Variants in L3MBTL3 observed in about 807,000 individuals in gnomAD.
L3MBTL3 encodes lethal(3)malignant brain tumor-like protein 3.
Under a neutral mutation model 102.3 loss-of-function variants are expected in L3MBTL3, and 27 were observed. That is an observed-to-expected ratio of 0.26 (90% confidence interval 0.19 to 0.36). The LOEUF (loss-of-function observed/expected upper bound fraction) is 0.36, where lower values mean the gene tolerates loss of function less well. Ranked by LOEUF, L3MBTL3 falls within the 10% of genes least tolerant of loss-of-function variation. L3MBTL3 has a pLI of 1.00. For synonymous variants in L3MBTL3, 340 were observed against 320.9 expected (o/e 1.06, Z -0.64); for missense variants, 798 against 955.3 (o/e 0.84, Z 2.17).
intron 20 of L3MBTL3, among the ~76,000 whole-genome samples, chr6:130,126,878 A>T (rs1786644698): frequency 6.6e-6 from 1 of 152,126 alleles, no homozygotes; most frequent in African/African-American, 2.4e-5. Flanking sequence ...CAAATATGAG[A>T]CTCAAGTCCA....
chr6:130,096,819 C>T (rs1483860892), intron 18 of L3MBTL3, among the ~76,000 whole-genome samples: 1 of 152,206 alleles, frequency 6.6e-6, no homozygotes, highest in African/African-American at 2.4e-5. Flanking sequence ...GTAAGGAACC[C>T]TTTCCAGTGG....
intron 20 of L3MBTL3, among the ~76,000 whole-genome samples, chr6:130,123,670 C>T (rs1031394163): frequency 7.2e-5 from 11 of 151,986 alleles, no homozygotes; most frequent in Admixed American, 2.6e-4. Context: ...CTTTCTTAGC[C>T]TTAGATTTCT....
intron 2 of L3MBTL3, among the ~76,000 whole-genome samples, chr6:130,037,137 A>G (rs1446377195): frequency 6.6e-6 from 1 of 152,232 alleles, no homozygotes; most frequent in Non-Finnish European, 1.5e-5. Flanking sequence ...CAAACTTACA[A>G]AAGTATGTAT....
intron 16 of L3MBTL3, among the ~76,000 whole-genome samples, chr6:130,089,537 G>A (rs1418928850): frequency 6.6e-6 from 1 of 152,134 alleles, no homozygotes; most frequent in East Asian, 1.9e-4. Context: ...ACATGTGCAT[G>A]TGTCTTTATA....
At chr6:130,063,819 C>A (rs1163232162) in intron 10 of L3MBTL3, among the ~76,000 whole-genome samples, 1 of 152,072 alleles carries the variant, frequency 6.6e-6, no homozygotes, top group Non-Finnish European at 1.5e-5. Context: ...AAGAAAAGCA[C>A]AAAAATGTAG....
intron 16 of L3MBTL3, among the ~76,000 whole-genome samples, chr6:130,090,476 T>TA (rs1783973351): frequency 6.6e-6 from 1 of 152,240 alleles, no homozygotes; most frequent in South Asian, 2.1e-4. Context: ...CTGTAGGAAT[T>TA]ACCAAAATGT....
chr6:130,045,000 A>C (rs1780638554), intron 3 of L3MBTL3, among the ~76,000 whole-genome samples: 1 of 152,142 alleles, frequency 6.6e-6, no homozygotes, highest in African/African-American at 2.4e-5. Flanking sequence ...TATAGTCAGC[A>C]AATCTATAGA....
At chr6:130,059,919 A>T in intron 9 of L3MBTL3, 117 bp from the exon 10 acceptor site, 4 of 570,002 alleles carry the variant, frequency 7.0e-6, no homozygotes, top group East Asian at 3.1e-5. Flanking sequence ...TTTTCTTTGG[A>T]TTTTTAGAAG....
rs902121623 is a variant in L3MBTL3, at chr6:130,135,227, A to AT, written c.2199+1330dup. Among the ~76,000 whole-genome samples the AT allele has an allele frequency of 9.3e-5, 14 of 151,262 alleles. No homozygotes were observed. In the East Asian group the frequency reaches 1.8e-3, roughly 19 times the overall value. On this transcript the variant is annotated intron_variant, in intron 22 of 22. Transcript: ENST00000361794. ...AGGTGCCCGCCACCACGCTCGGCTAATTTTTTTTGTATTTTTAGTAGAGAC... is the reference window on the plus strand; with the variant it reads ...AGGTGCCCGCCACCACGCTCGGCTAATTTTTTTTTGTATTTTTAGTAGAGAC...
At chr6:130,034,940 T>TC (rs1357864900) in intron 2 of L3MBTL3, among the ~76,000 whole-genome samples, 4 of 152,220 alleles carry the variant, frequency 2.6e-5, no homozygotes. Context: ...CCTCCTCTCA[T>TC]CCATCTGTTG....
chr6:130,041,873 C>T (rs1780440192), intron 2 of L3MBTL3, among the ~76,000 whole-genome samples: 1 of 152,182 alleles, frequency 6.6e-6, no homozygotes, highest in African/African-American at 2.4e-5. Context: ...TTAGACACCA[C>T]AGTCTGAAGC....
chr6:130,112,507 C>G (rs1785416977), intron 19 of L3MBTL3, among the ~76,000 whole-genome samples: 1 of 152,066 alleles, frequency 6.6e-6, no homozygotes, highest in Non-Finnish European at 1.5e-5. Flanking sequence ...GTGGTATGTC[C>G]CAAACTGTTG....
intron 14 of L3MBTL3, among the ~76,000 whole-genome samples, chr6:130,083,014 A>T (rs1362023446): frequency 6.6e-6 from 1 of 152,122 alleles, no homozygotes; most frequent in Non-Finnish European, 1.5e-5. Flanking sequence ...ATTCCTGCTC[A>T]TGCCTACCTA....
chr6:130,120,478 C>G (rs1474729089), intron 19 of L3MBTL3, among the ~76,000 whole-genome samples: 2 of 152,156 alleles, frequency 1.3e-5, no homozygotes, highest in Admixed American at 6.6e-5. Context: ...AATCCCAGTG[C>G]TGAGTCGTAT....
intron 13 of L3MBTL3, among the ~76,000 whole-genome samples, chr6:130,078,107 T>C (rs1182468735): frequency 6.6e-6 from 1 of 152,212 alleles, no homozygotes; most frequent in African/African-American, 2.4e-5. Context: ...GTTATTCTAA[T>C]GGGTAACAGA....
intron 19 of L3MBTL3, among the ~76,000 whole-genome samples, chr6:130,116,003 A>G (rs964037968): frequency 6.6e-6 from 1 of 152,190 alleles, no homozygotes; most frequent in African/African-American, 2.4e-5. Flanking sequence ...ACAAACATGG[A>G]ACCTCCTTTG....
chr6:130,030,903 T>C (rs35398833), intron 2 of L3MBTL3, among the ~76,000 whole-genome samples: 9,742 of 152,226 alleles, frequency 0.064, 465 homozygotes, highest in Non-Finnish European at 0.1. Flanking sequence ...AGGCTGATAT[T>C]GATAATATCC....
chr6:130,067,456 T>C (rs1782338917), intron 11 of L3MBTL3, among the ~76,000 whole-genome samples: 1 of 152,210 alleles, frequency 6.6e-6, no homozygotes, highest in Admixed American at 6.5e-5. Context: ...AATCATTACA[T>C]TGATTTTTGT....
chr6:130,055,284 G>C lies in L3MBTL3; in HGVS notation c.667+29G>C, dbSNP rs753032933. ...AGCTGATGAAAATAAAGTCTTACTT[G>C]TAACTTTATGAAATTGGAAATGGTT... On this transcript the variant is annotated intron_variant, in intron 8 of 22. Transcript: ENST00000361794. The C allele has an allele frequency of 1.5e-5, 23 of 1,537,306 alleles. No individual in the cohort carries two copies. The African/African-American group carries it at 2.5e-4, about 17-fold the overall frequency.
Sources: gnomAD v4.1 joint callset for allele counts (sites outside exome capture counted in the v4.1 genomes callset) on GRCh38, gnomAD v4.1.1 for gene constraint, MANE v1.5 for transcripts, NCBI Gene and HGNC (gene_info 2026-07-23, HGNC 2026-07-21) for gene names.